Variants in KIRREL3 observed in about 807,000 individuals in gnomAD.
KIRREL3 encodes kirre like nephrin family adhesion molecule 3.
KIRREL3 carries 36 observed loss-of-function variants against 89.7 expected under a neutral mutation model. The ratio of observed to expected loss-of-function variants is 0.40; its 90% CI spans 0.31 to 0.53. The LOEUF (loss-of-function observed/expected upper bound fraction) is 0.53. KIRREL3 is among the 20% of genes least tolerant of loss of function. KIRREL3 has a pLI of 0.49. For synonymous variants in KIRREL3, 445 were observed against 441.4 expected, an observed-to-expected ratio of 1.01 and a Z score of -0.10; for missense variants, 864 against 1,056.6, an observed-to-expected ratio of 0.82 and a Z score of 2.53.
intron 1 of KIRREL3, among the ~76,000 whole-genome samples, chr11:126,634,501 T>A (rs570372973): frequency 2.6e-5 from 4 of 152,184 alleles, no homozygotes; most frequent in African/African-American, 9.6e-5. Flanking sequence ...TAGCAGCTAA[T>A]GGACTCGGAA....
chr11:126,623,261 A>C lies in KIRREL3; in HGVS notation c.56-60349T>G, dbSNP rs917658015. ...ACATGCTATGAGGATGGGAAACCAA[A>C]GTGTCTTTGCACATAAACAGACTGC... On this transcript the variant is annotated intron_variant, in intron 1 of 16. Coordinates refer to ENST00000525144, the MANE Select transcript of KIRREL3 (RefSeq NM_032531.4). This position sits in a 1 kb window ranked among gnomAD's most constrained non-coding sequence, Gnocchi z 4.1. Among the ~76,000 whole-genome samples, 5 of 152,158 alleles carry C rather than the reference A, an allele frequency of 3.3e-5. No homozygotes were observed. The highest frequency in any genetic ancestry group is 7.4e-5 in the Non-Finnish European group (5 of 68,020).
At position 126,428,143 on chromosome 11, in the gene KIRREL3, GC is replaced by G. The variant is rs1374573717; in HGVS notation, c.1806+1035del. Among the ~76,000 whole-genome samples the G allele has an allele frequency of 6.6e-6, 1 of 152,162 alleles. No individual in the cohort carries two copies. The highest frequency in any genetic ancestry group is 1.5e-5 in the Non-Finnish European group (1 of 68,030). ...ACTTATTGTGTTCCATGGGCTTCAA[GC>G]CCTTCTGAGTTTTGTCCACTTCACC... is the stretch of plus-strand genomic sequence containing the variant. On this transcript the variant is annotated intron_variant, in intron 15 of 16. Coordinates refer to ENST00000525144, the MANE Select transcript of KIRREL3 (RefSeq NM_032531.4). The surrounding 1 kb of genome is among the most constrained non-coding windows in gnomAD (Gnocchi z 6.4).
intron 1 of KIRREL3, among the ~76,000 whole-genome samples, chr11:126,854,643 C>T (rs950419709): frequency 1.3e-5 from 2 of 152,186 alleles, no homozygotes; most frequent in Admixed American, 1.3e-4. Flanking sequence ...GATCCGGTTG[C>T]TTCCACCATT....
chr11:126,591,646 G>A (rs1445037096), intron 1 of KIRREL3, among the ~76,000 whole-genome samples: 39 of 152,208 alleles, frequency 2.6e-4, no homozygotes, highest in Non-Finnish European at 5.9e-5. Context: ...GGATCTGGCT[G>A]TTCAGAGAAA....
At position 126,892,530 on chromosome 11, in the gene KIRREL3, T is replaced by A. The variant is rs1468084141; in HGVS notation, c.55+107925A>T. ...AAAAGCAACCCTGAGAAAATGATTT[T>A]CTTTTCACAGCCTTATTACAAATGC... On this transcript the variant is annotated intron_variant, in intron 1 of 16. Transcript: ENST00000525144. The surrounding 1 kb of genome is among the most constrained non-coding windows in gnomAD (Gnocchi z 5.4). Among the ~76,000 whole-genome samples the A allele has an allele frequency of 6.6e-6, 1 of 152,220 alleles. No homozygotes were observed. Among genetic ancestry groups the A allele is most frequent in the Non-Finnish European group, 1.5e-5 (1 of 68,040 alleles).
chr11:126,733,577 G>T (rs940083984), intron 1 of KIRREL3, among the ~76,000 whole-genome samples: 1 of 152,062 alleles, frequency 6.6e-6, no homozygotes, highest in African/African-American at 2.4e-5. Context: ...TTCTTAAAAG[G>T]CTCTTGAAAC....
At chr11:126,951,620 C>A (rs1299136320) in intron 1 of KIRREL3, among the ~76,000 whole-genome samples, 2 of 152,116 alleles carry the variant, frequency 1.3e-5, no homozygotes, top group African/African-American at 4.8e-5. Context: ...GGCTGAGGCC[C>A]CAATGAGAAA....
chr11:126,981,279 G>A lies in KIRREL3; in HGVS notation c.55+19176C>T, dbSNP rs1949712611. 6.6e-6 allele frequency among the ~76,000 whole-genome samples: 1 copy of A among 152,186 alleles called. No individual in the cohort carries two copies. The highest frequency in any genetic ancestry group is 2.1e-4 in the South Asian group (1 of 4,824). Reference sequence around the variant, plus strand: ...TATTTGTTCTTAGTGTTCAGCCTGGGACCTAGGCAGGCTACAGATGTTACT... The same window carrying A: ...TATTTGTTCTTAGTGTTCAGCCTGGAACCTAGGCAGGCTACAGATGTTACT... On this transcript the variant is annotated intron_variant, in intron 1 of 16. Transcript: ENST00000525144. This position sits in a 1 kb window ranked among gnomAD's most constrained non-coding sequence, Gnocchi z 4.2.
intron 1 of KIRREL3, among the ~76,000 whole-genome samples, chr11:126,690,431 T>A (rs750588306): frequency 6.6e-6 from 1 of 151,078 alleles, no homozygotes; most frequent in Non-Finnish European, 1.5e-5. Flanking sequence ...CTTCCCTCAG[T>A]GGATGGATAA....
At chr11:126,848,542 G>A (rs919181686) in intron 1 of KIRREL3, among the ~76,000 whole-genome samples, 1 of 152,142 alleles carries the variant, frequency 6.6e-6, no homozygotes, top group Non-Finnish European at 1.5e-5. Context: ...ATCTGGATTG[G>A]ATCAATATTC....
chr11:126,452,445 C>T (rs991479418), intron 7 of KIRREL3, among the ~76,000 whole-genome samples: 8 of 152,324 alleles, frequency 5.3e-5, no homozygotes, highest in African/African-American at 7.2e-5. Flanking sequence ...TGAGGCCAAG[C>T]GGGCAGCTGG....
intron 6 of KIRREL3, among the ~76,000 whole-genome samples, chr11:126,457,639 G>A (rs114019058): frequency 2.0e-3 from 304 of 152,130 alleles, no homozygotes; most frequent in African/African-American, 7.0e-3. Flanking sequence ...GAAAAAGGGC[G>A]AGAAAAAGAG....
rs1306482724 is a variant in KIRREL3 at position 126,432,597 on chromosome 11, G to A, written c.1589-1071C>T. ...CCTCCACTCACCCCACTCCCACCCC[G>A]TCCAGCTCCACCCACAGAGTGACAT... On this transcript the variant is annotated intron_variant, in intron 13 of 16. Transcript: ENST00000525144. The surrounding 1 kb of genome is among the most constrained non-coding windows in gnomAD (Gnocchi z 6.2). Among the ~76,000 whole-genome samples the A allele has an allele frequency of 7.0e-6, 1 of 143,878 alleles. No homozygotes were observed. The highest frequency in any genetic ancestry group is 2.6e-5 in the African/African-American group (1 of 38,982). 94.4% of individuals were successfully genotyped at this position (143,878 alleles called of 152,430 possible). A position where few individuals can be genotyped will look rare whatever the true frequency, so the allele number is the denominator to read the frequency against.
In KIRREL3 at chr11:126,689,017, ATG is replaced by A. The variant is rs1030518093; in HGVS notation, c.56-126107_56-126106del. Among the ~76,000 whole-genome samples, 1 of 147,086 alleles carries A rather than the reference ATG, an allele frequency of 6.8e-6. No homozygotes were observed. ...GACCATAGAGCAGCTATGTAGAACT[ATG>A]TGTGTGTGTGTAAGGGGGAGAGAAG... is the stretch of plus-strand genomic sequence containing the variant. On this transcript the variant is annotated intron_variant, in intron 1 of 16. Transcript: ENST00000525144. This position sits in a 1 kb window ranked among gnomAD's most constrained non-coding sequence, Gnocchi z 5.2.
chr11:126,763,309 A>C lies in KIRREL3; in HGVS notation c.56-200397T>G, dbSNP rs1247084177. Among the ~76,000 whole-genome samples the C allele has an allele frequency of 6.6e-6, 1 of 152,162 alleles. No individual in the cohort carries two copies. The highest frequency in any genetic ancestry group is 2.4e-5 in the African/African-American group (1 of 41,416). ...TGACCAGCCTCATGGCTGAGGTGCC[A>C]CTTTCGATACATAAAACAAGAGTCC... is the stretch of plus-strand genomic sequence containing the variant. On this transcript the variant is annotated intron_variant, in intron 1 of 16. Coordinates refer to ENST00000525144, the MANE Select transcript of KIRREL3 (RefSeq NM_032531.4). This position sits in a 1 kb window ranked among gnomAD's most constrained non-coding sequence, Gnocchi z 4.7.
At chr11:126,966,766 C>T (rs541906201) in intron 1 of KIRREL3, among the ~76,000 whole-genome samples, 3 of 152,220 alleles carry the variant, frequency 2.0e-5, no homozygotes, top group African/African-American at 7.2e-5. Context: ...GTATATGCCT[C>T]GGTTTTCTCA....
rs1397907265 is a variant in KIRREL3 at position 126,686,541 on chromosome 11, T to C, written c.56-123629A>G. Among the ~76,000 whole-genome samples, 2 of 152,146 alleles carry C rather than the reference T, an allele frequency of 1.3e-5. No homozygotes were observed. The highest frequency in any genetic ancestry group is 2.9e-5 in the Non-Finnish European group (2 of 68,036). On this transcript the variant is annotated intron_variant, in intron 1 of 16. Coordinates refer to ENST00000525144, the MANE Select transcript of KIRREL3 (RefSeq NM_032531.4). The surrounding 1 kb of genome is among the most constrained non-coding windows in gnomAD (Gnocchi z 4.7). ...GGGAGGGTGGGGAGGGACTGTGCGT[T>C]CCTGCGCATGTTACCCTACACTGAA...
Position 126,683,103 on chromosome 11 carries a change from G to T in KIRREL3, c.56-120191C>A, listed in dbSNP as rs1423946539. The stretch of plus-strand genomic sequence containing the variant: ...CCCCCTGAACTCCAGTGATCTTACC[G>T]CCTCAGCCTTCCAAAGTGTTGCAAT... On this transcript the variant is annotated intron_variant, in intron 1 of 16. Transcript: ENST00000525144. This position sits in a 1 kb window ranked among gnomAD's most constrained non-coding sequence, Gnocchi z 5.2. 6.6e-6 allele frequency among the ~76,000 whole-genome samples: 1 copy of T among 152,040 alleles called. No homozygotes were observed. Among genetic ancestry groups the T allele is most frequent in the African/African-American group, 2.4e-5 (1 of 41,380 alleles).
At chr11:126,510,422 T>TTCCTTCCC (rs1958180062) in intron 4 of KIRREL3, among the ~76,000 whole-genome samples, 2 of 12,746 alleles carry the variant, frequency 1.6e-4, no homozygotes, top group African/African-American at 2.9e-4. Flanking sequence ...CTGACGTTGT[T>TTCCTTCCC]TCCTTCCTTC....
Sources: allele counts gnomAD v4.1 joint callset (sites outside exome capture counted in the v4.1 genomes callset), GRCh38; gene constraint gnomAD v4.1.1; non-coding constraint Gnocchi (gnomAD v3.1); transcripts MANE v1.5; gene names NCBI Gene and HGNC (gene_info 2026-07-23, HGNC 2026-07-21).